ITGB6: variants seen among roughly 807,000 people sequenced by gnomAD.
The protein encoded by ITGB6 is integrin subunit beta 6.
A neutral mutation model predicts 84.5 loss-of-function variants in ITGB6; 80 were observed. The observed-to-expected ratio is 0.95, with a 90% CI of 0.79 to 1.14. The LOEUF is 1.14. Among genes scored for constraint, ITGB6 ranks in the 50% most tolerant of loss-of-function variants. ITGB6 has a pLI of 0.00. For missense variants in ITGB6, 1,006 were observed against 968.0 expected, an observed-to-expected ratio of 1.04 and a Z score of -0.52; for synonymous variants, 383 against 354.9, an observed-to-expected ratio of 1.08 and a Z score of -0.89.
chr2:160,164,502 GCTAA>G (rs1452469810), intron 7 of ITGB6, among the ~76,000 whole-genome samples: 1 of 152,042 alleles, frequency 6.6e-6, no homozygotes, highest in African/African-American at 2.4e-5. Context: ...GATCAGTTTG[GCTAA>G]CTAACATGGC....
chr2:160,186,479 G>A (rs1190096971), intron 4 of ITGB6, among the ~76,000 whole-genome samples: 1 of 152,204 alleles, frequency 6.6e-6, no homozygotes, highest in Non-Finnish European at 1.5e-5. Context: ...ATGCTGGAGA[G>A]GATGTGGAGA....
intron 10 of ITGB6, among the ~76,000 whole-genome samples, chr2:160,129,144 G>A (rs187592653): frequency 6.6e-6 from 1 of 152,204 alleles, no homozygotes; most frequent in Non-Finnish European, 1.5e-5. Flanking sequence ...GTTAAAGAGG[G>A]AGGCACCTGG....
At chr2:160,171,511 T>A (rs1238028773) in intron 6 of ITGB6, among the ~76,000 whole-genome samples, 2 of 151,922 alleles carry the variant, frequency 1.3e-5, no homozygotes, top group Non-Finnish European at 2.9e-5. Context: ...AATTTTTGTA[T>A]TTTTTAGTAG....
chr2:160,123,180 A>G (rs1162199693), intron 12 of ITGB6, among the ~76,000 whole-genome samples: 1 of 152,234 alleles, frequency 6.6e-6, no homozygotes, highest in Non-Finnish European at 1.5e-5. Flanking sequence ...ATTTAAAATG[A>G]CAGATGAAAG....
At chr2:160,124,559 A>T (rs1683159417) in intron 11 of ITGB6, among the ~76,000 whole-genome samples, 1 of 152,244 alleles carries the variant, frequency 6.6e-6, no homozygotes, top group Non-Finnish European at 1.5e-5. Flanking sequence ...TCTATAGAGC[A>T]AAGTAAAATT....
chr2:160,192,656 G>A (rs767825334), intron 4 of ITGB6, among the ~76,000 whole-genome samples: 11 of 151,972 alleles, frequency 7.2e-5, no homozygotes, highest in African/African-American at 2.2e-4. Context: ...TTGACCAAAG[G>A]TATCGCCAGA....
intron 5 of ITGB6, among the ~76,000 whole-genome samples, chr2:160,173,460 G>C (rs1017020723): frequency 2.6e-5 from 4 of 152,126 alleles, no homozygotes; most frequent in Non-Finnish European, 5.9e-5. Flanking sequence ...ATGAAGGGCT[G>C]TTGCCTAAAG....
chr2:160,137,011 C>A (rs1381699450), intron 10 of ITGB6, among the ~76,000 whole-genome samples: 1 of 150,740 alleles, frequency 6.6e-6, no homozygotes, highest in Non-Finnish European at 1.5e-5. Flanking sequence ...CGTAACAAAC[C>A]TGCACATTGT....
chr2:160,137,623 C>T lies in ITGB6; in HGVS notation c.1471G>A (p.Glu491Lys). The T allele has an allele frequency of 1.9e-6, 3 of 1,614,212 alleles. No individual in the cohort carries two copies. The highest frequency in any genetic ancestry group is 2.7e-5 in the African/African-American group (2 of 75,062). The change falls in exon 10 of 15, where the codon GAG becomes AAG. Residue 491 changes from glutamate (E) to lysine (K), a missense_variant. Coordinates refer to ENST00000283249, the MANE Select transcript of ITGB6 (RefSeq NM_000888.5). The stretch of plus-strand genomic sequence containing the variant: ...GTGCTCAGCATGTCCTCGCCACACT[C>T]ACAGCGAGGCCCCATGTGGCCAGGG... ...CHPGHMGPRC[E>K]CGEDMLSTDS...
At chr2:160,179,796 T>A (rs2105878403) in intron 4 of ITGB6, among the ~76,000 whole-genome samples, 1 of 151,864 alleles carries the variant, frequency 6.6e-6, no homozygotes, top group Admixed American at 6.6e-5. Flanking sequence ...ATACATAAAA[T>A]GATGTTTCAA....
intron 8 of ITGB6, among the ~76,000 whole-genome samples, chr2:160,139,956 A>G (rs1205961648): frequency 6.6e-6 from 1 of 152,180 alleles, no homozygotes; most frequent in Non-Finnish European, 1.5e-5. Context: ...ACGGCACTGT[A>G]AAATACTGAG....
In ITGB6 at chr2:160,099,872, C is replaced by T. The variant is rs1285795645; in HGVS notation, c.*1864G>A. ...ATTCTTCTCTACCTTCCCTAAAACA[C>T]ACACAAAGGTAACTTCTATTTTCTA... On this transcript the variant is annotated 3_prime_UTR_variant, in exon 15 of 15. Coordinates refer to ENST00000283249, the MANE Select transcript of ITGB6 (RefSeq NM_000888.5). The T allele has an allele frequency of 6.6e-6, 1 of 152,176 alleles. No homozygotes were observed. Among genetic ancestry groups the T allele is most frequent in the Non-Finnish European group, 1.5e-5 (1 of 68,034 alleles). The allele number at this position is 152,176 out of a possible 1,614,324, so 9.4% of individuals were successfully genotyped here.
intron 12 of ITGB6, among the ~76,000 whole-genome samples, chr2:160,119,710 A>G (rs1321783359): frequency 6.6e-6 from 1 of 152,154 alleles, no homozygotes; most frequent in Non-Finnish European, 1.5e-5. Flanking sequence ...AAAAGAAACC[A>G]CCATCAGAAT....
At chr2:160,190,439 AC>A (rs1296947828) in intron 4 of ITGB6, among the ~76,000 whole-genome samples, 2 of 152,146 alleles carry the variant, frequency 1.3e-5, no homozygotes, top group Non-Finnish European at 2.9e-5. Context: ...GAAATGATTC[AC>A]CTAAGCTCAC....
At chr2:160,179,875 A>T (rs1685590066) in intron 4 of ITGB6, among the ~76,000 whole-genome samples, 1 of 148,534 alleles carries the variant, frequency 6.7e-6, no homozygotes, top group Non-Finnish European at 1.5e-5. Flanking sequence ...AGACAGGTGG[A>T]TTACTTGAGG....
At chr2:160,170,600 T>C (rs980617866) in intron 6 of ITGB6, among the ~76,000 whole-genome samples, 14 of 152,226 alleles carry the variant, frequency 9.2e-5, no homozygotes, top group Non-Finnish European at 1.8e-4. Context: ...GAATCAGATC[T>C]GTTGGTTTAA....
intron 1 of ITGB6, 121 bp downstream of exon 1, chr2:160,199,881 CA>C (rs1686489163): frequency 1.4e-6 from 1 of 736,482 alleles, no homozygotes; most frequent in Admixed American, 2.4e-5. Context: ...AGTGTTCACT[CA>C]GTCACAAAAG....
intron 2 of ITGB6, among the ~76,000 whole-genome samples, chr2:160,196,626 T>A (rs996470196): frequency 6.6e-6 from 1 of 152,072 alleles, no homozygotes; most frequent in Admixed American, 6.6e-5. Flanking sequence ...AAATTCTGAG[T>A]AAAACTGGAG....
intron 10 of ITGB6, among the ~76,000 whole-genome samples, chr2:160,134,715 G>A (rs1313063165): frequency 6.6e-6 from 1 of 152,182 alleles, no homozygotes; most frequent in Admixed American, 6.5e-5. Flanking sequence ...CCATGATCAA[G>A]TGGGCTTCAT....
Sources: gnomAD v4.1 joint callset for allele counts (sites outside exome capture counted in the v4.1 genomes callset) on GRCh38, gnomAD v4.1.1 for gene constraint, MANE v1.5 for transcripts, NCBI Gene and HGNC (gene_info 2026-07-23, HGNC 2026-07-21) for gene names.